The following TDRP variants were observed in gnomAD, a reference collection of about 807,000 sequenced individuals.
TDRP encodes testis development related protein.
A neutral mutation model predicts 10.5 loss-of-function variants in TDRP; 12 were observed. The ratio of observed to expected loss-of-function variants is 1.15; its 90% CI spans 0.73 to 1.86. The LOEUF (loss-of-function observed/expected upper bound fraction) is 1.86. Among genes scored for constraint, TDRP ranks in the 40% most tolerant of loss-of-function variants. The pLI, the probability that TDRP is intolerant of heterozygous loss-of-function variation, is 0.00. For synonymous variants in TDRP, 139 were observed against 95.4 expected, an observed-to-expected ratio of 1.46 and a Z score of -2.67; for missense variants, 353 against 229.2, an observed-to-expected ratio of 1.54 and a Z score of -3.49.
intron 1 of TDRP, among the ~76,000 whole-genome samples, chr8:517,890 T>C (rs1801798627): frequency 2.0e-5 from 3 of 152,126 alleles, no homozygotes; most frequent in Admixed American, 1.3e-4. Context: ...TACAACCAAA[T>C]GACATTCTGG....
At position 491,692 on chromosome 8, in the gene TDRP, A is replaced by G; in HGVS notation, c.*707T>C. On this transcript the variant is annotated 3_prime_UTR_variant, in exon 3 of 3. Transcript: ENST00000324079. ...TAATCTGTAAACAAAAAAGAGAGCA[A>G]ATGTTTTAAGAAAATAAAGGGACCG... 1 of 1,497,880 alleles carries G rather than the reference A, an allele frequency of 6.7e-7. No individual in the cohort carries two copies. 92.8% of individuals were successfully genotyped at this position (1,497,880 alleles called of 1,614,324 possible).
At chr8:530,676 T>C (rs1802168571) in intron 1 of TDRP, among the ~76,000 whole-genome samples, 3 of 152,168 alleles carry the variant, frequency 2.0e-5, no homozygotes, top group Non-Finnish European at 4.4e-5. Context: ...CACTGCAAGT[T>C]GTCTGGCAGG....
chr8:518,001 T>C (rs970392449), intron 1 of TDRP, among the ~76,000 whole-genome samples: 18 of 152,204 alleles, frequency 1.2e-4, no homozygotes, highest in Admixed American at 1.3e-4. Context: ...TTAAATCTTA[T>C]GGCAGTGGAA....
At chr8:501,172 C>G (rs1801287566) in intron 1 of TDRP, among the ~76,000 whole-genome samples, 1 of 151,692 alleles carries the variant, frequency 6.6e-6, no homozygotes, top group South Asian at 2.1e-4. Context: ...CGCCACTGCA[C>G]TCCAGCCTGG....
chr8:501,024 G>A (rs529845129), intron 1 of TDRP, among the ~76,000 whole-genome samples: 6 of 152,172 alleles, frequency 3.9e-5, no homozygotes, highest in South Asian at 4.2e-4. Flanking sequence ...GGCTAACACG[G>A]TGAAACCCCG....
intron 1 of TDRP, among the ~76,000 whole-genome samples, chr8:534,586 T>C (rs994327467): frequency 1.3e-5 from 2 of 152,020 alleles, no homozygotes; most frequent in Non-Finnish European, 2.9e-5. Flanking sequence ...TTGGGGGCTG[T>C]GAAAAACAGT....
chr8:508,383 G>C (rs903445167), intron 1 of TDRP, among the ~76,000 whole-genome samples: 4 of 152,176 alleles, frequency 2.6e-5, no homozygotes, highest in African/African-American at 9.7e-5. Flanking sequence ...ATAAAGAAAA[G>C]CAGTTTAATT....
chr8:493,370 G>T (rs529298074), intron 2 of TDRP, among the ~76,000 whole-genome samples: 1 of 152,200 alleles, frequency 6.6e-6, no homozygotes, highest in Non-Finnish European at 1.5e-5. Context: ...TTAGCAGGTC[G>T]CCTGACAACC....
chr8:502,186 T>A (rs1801322939), intron 1 of TDRP, among the ~76,000 whole-genome samples: 1 of 152,250 alleles, frequency 6.6e-6, no homozygotes, highest in African/African-American at 2.4e-5. Flanking sequence ...CAGAACAGCT[T>A]AGTCTTCTTT....
At chr8:522,413 G>C (rs1801929267) in intron 1 of TDRP, among the ~76,000 whole-genome samples, 1 of 152,198 alleles carries the variant, frequency 6.6e-6, no homozygotes, top group Non-Finnish European at 1.5e-5. Flanking sequence ...TTTTCTCTCT[G>C]TGGCTAGTGA....
At chr8:538,045 C>A (rs1802391364) in intron 1 of TDRP, among the ~76,000 whole-genome samples, 1 of 152,108 alleles carries the variant, frequency 6.6e-6, no homozygotes, top group African/African-American at 2.4e-5. Context: ...AACCTTTCAC[C>A]ACTGATAAAG....
chr8:535,054 T>C (rs546181823), intron 1 of TDRP, among the ~76,000 whole-genome samples: 1 of 152,202 alleles, frequency 6.6e-6, no homozygotes, highest in African/African-American at 2.4e-5. Context: ...ACACTAGAAC[T>C]AGAATATCTG....
At chr8:512,572 T>A (rs988699148) in intron 1 of TDRP, among the ~76,000 whole-genome samples, 1 of 151,488 alleles carries the variant, frequency 6.6e-6, no homozygotes, top group African/African-American at 2.4e-5. Flanking sequence ...AAAGAAACAT[T>A]GTCCATCAAA....
chr8:534,490 C>G (rs1397964185), intron 1 of TDRP, among the ~76,000 whole-genome samples: 2 of 152,210 alleles, frequency 1.3e-5, no homozygotes, highest in African/African-American at 4.8e-5. Flanking sequence ...CATGCCTGAG[C>G]CATCTCTAAC....
At chr8:523,118 CCTTT>C (rs753981570) in intron 1 of TDRP, among the ~76,000 whole-genome samples, 4 of 152,068 alleles carry the variant, frequency 2.6e-5, no homozygotes, top group African/African-American at 7.2e-5. Context: ...TTGCTGACTT[CCTTT>C]AATATTTTGT....
Position 494,378 on chromosome 8 carries a change from C to A in TDRP, c.212+116G>T, listed in dbSNP as rs183975578. The A allele has an allele frequency of 2.9e-4, 272 of 939,818 alleles. 2 individuals carry two copies. In the East Asian group the frequency reaches 5.8e-3, roughly 20 times the overall value. The allele number at this position is 939,818 out of a possible 1,614,324, so 58.2% of individuals were successfully genotyped here. A position where few individuals can be genotyped will look rare whatever the true frequency, so the allele number is the denominator to read the frequency against. ...TGGGGAGGGAAACATGGACTCGCCG[C>A]GCCCCACAATGCCTCCAGTTACACT... On this transcript the variant is annotated intron_variant, in intron 2 of 2. Transcript: ENST00000324079.
intron 1 of TDRP, among the ~76,000 whole-genome samples, chr8:539,702 C>T (rs1427352260): frequency 2.6e-5 from 4 of 152,158 alleles, no homozygotes; most frequent in South Asian, 4.1e-4. Context: ...CCCACATACC[C>T]GCCCTCCAGC....
At chr8:497,081 C>G (rs556869493) in intron 1 of TDRP, among the ~76,000 whole-genome samples, 4 of 152,030 alleles carry the variant, frequency 2.6e-5, no homozygotes, top group African/African-American at 4.8e-5. Context: ...AGAATTGGTA[C>G]GAGAGGAGTG....
chr8:518,649 C>G (rs1584870425), intron 1 of TDRP, among the ~76,000 whole-genome samples: 1 of 151,874 alleles, frequency 6.6e-6, no homozygotes, highest in African/African-American at 2.4e-5. Context: ...AGAGTTATTC[C>G]TTTTAAATGA....
Sources: gnomAD v4.1 joint callset for allele counts (sites outside exome capture counted in the v4.1 genomes callset) on GRCh38, gnomAD v4.1.1 for gene constraint, MANE v1.5 for transcripts, NCBI Gene and HGNC (gene_info 2026-07-23, HGNC 2026-07-21) for gene names.